The following CPXM2 variants were observed in gnomAD, a reference collection of about 807,000 sequenced individuals.
CPXM2 encodes carboxypeptidase X, M14 family member 2, also known as inactive carboxypeptidase-like protein X2.
CPXM2 carries 66 observed loss-of-function variants against 86.1 expected under a neutral mutation model. The observed-to-expected ratio is 0.77, with a 90% confidence interval of 0.63 to 0.94. The LOEUF is 0.94. CPXM2 is among the 40% of genes least tolerant of loss of function. The pLI is 0.00. For synonymous variants in CPXM2, 388 were observed against 400.2 expected, an observed-to-expected ratio of 0.97 and a Z score of 0.36; for missense variants, 948 against 1,026.3, an observed-to-expected ratio of 0.92 and a Z score of 1.04.
At chr10:123,892,498 G>A (rs1463878360), upstream of CPXM2, among the ~76,000 whole-genome samples, 2 of 152,208 alleles carry the variant, frequency 1.3e-5, no homozygotes, top group Non-Finnish European at 2.9e-5. Flanking sequence ...CTCTGCATGG[G>A]TTCTTTATGC....
At chr10:123,752,664 TC>T (rs35101799) in intron 13 of CPXM2, 35 of 976,942 alleles carry the variant, frequency 3.6e-5, no homozygotes, top group Non-Finnish European at 4.0e-5. Context: ...GAGCCTCTCC[TC>T]CCTGTTCAAG....
chr10:123,887,052 A>C (rs563455098), intron 1 of CPXM2: 1 of 152,330 alleles, frequency 6.6e-6, no homozygotes, highest in African/African-American at 2.4e-5. Context: ...GCAGGGATCT[A>C]GAAACTGTCA....
chr10:123,863,552 G>A (rs1343042936), intron 2 of CPXM2, among the ~76,000 whole-genome samples: 1 of 152,174 alleles, frequency 6.6e-6, no homozygotes, highest in Non-Finnish European at 1.5e-5. Flanking sequence ...ACATGAATCT[G>A]ACCCATGTGG....
At chr10:123,925,829 G>A (rs1056835637) in intron 2 of CPXM2, among the ~76,000 whole-genome samples, 4 of 152,134 alleles carry the variant, frequency 2.6e-5, no homozygotes, top group Non-Finnish European at 5.9e-5. Flanking sequence ...AGAAACAACA[G>A]AGCAATGAGC....
intron 2 of CPXM2, among the ~76,000 whole-genome samples, chr10:123,903,607 T>C (rs1251042685): frequency 6.6e-6 from 1 of 152,186 alleles, no homozygotes; most frequent in East Asian, 1.9e-4. Context: ...GGTGAAGTCC[T>C]CTCAGGGATA....
rs543229425 is a variant in CPXM2 at position 123,891,692 on chromosome 10, C to T, written c.-33G>A. On this transcript the variant is annotated 5_prime_UTR_variant, in exon 1 of 14. The change creates a new upstream start codon in the 5' untranslated region. Coordinates refer to ENST00000241305, the MANE Select transcript of CPXM2 (RefSeq NM_198148.3). This position sits in a 1 kb window ranked among gnomAD's most constrained non-coding sequence, Gnocchi z 5.6. ...CCGCCCCGCGCCCAGGGCAGGGTCA[C>T]GGTCACCGGGGGCGCCGGGCGGGCT... 3 of 1,321,602 alleles carry T rather than the reference C, an allele frequency of 2.3e-6. No homozygotes were observed. The highest frequency in any genetic ancestry group is 2.1e-5 in the South Asian group (1 of 46,750). 81.9% of individuals were successfully genotyped at this position (1,321,602 alleles called of 1,614,324 possible).
At chr10:123,761,234 G>A (rs2133986333) in intron 11 of CPXM2, among the ~76,000 whole-genome samples, 1 of 152,342 alleles carries the variant, frequency 6.6e-6, no homozygotes, top group Non-Finnish European at 1.5e-5. Context: ...GTTGACCGCA[G>A]GCTGTGGGTA....
intron 4 of CPXM2, among the ~76,000 whole-genome samples, chr10:123,832,425 G>A (rs1436621952): frequency 1.3e-5 from 2 of 152,096 alleles, no homozygotes; most frequent in Admixed American, 6.5e-5. Flanking sequence ...GGGAGGAGGG[G>A]GCAGAAAGGA....
chr10:123,761,502 G>T (rs1225819425), intron 11 of CPXM2, among the ~76,000 whole-genome samples: 1 of 152,168 alleles, frequency 6.6e-6, no homozygotes, highest in African/African-American at 2.4e-5. Flanking sequence ...GTTTCTTTTT[G>T]TTGTTGTCCA....
intron 4 of CPXM2, among the ~76,000 whole-genome samples, chr10:123,827,966 C>T (rs527826381): frequency 6.6e-6 from 1 of 152,218 alleles, no homozygotes; most frequent in African/African-American, 2.4e-5. Flanking sequence ...GAATTTGAGA[C>T]TAGCCAGGGT....
chr10:123,752,692 TAAAG>T (rs1846106645), intron 13 of CPXM2: 1 of 863,856 alleles, frequency 1.2e-6, no homozygotes, highest in Non-Finnish European at 1.4e-6. Context: ...GGCATGGAAA[TAAAG>T]GAAGGAGCAC....
chr10:123,943,224 C>T (rs570846835), upstream of CPXM2, among the ~76,000 whole-genome samples: 29 of 143,778 alleles, frequency 2.0e-4, no homozygotes, highest in South Asian at 5.0e-3. Flanking sequence ...CATACTATTG[C>T]TTTCCTCACT....
chr10:123,810,057 C>T (rs1052958057), intron 4 of CPXM2, among the ~76,000 whole-genome samples: 1 of 151,496 alleles, frequency 6.6e-6, no homozygotes, highest in African/African-American at 2.4e-5. Flanking sequence ...AAGAACTATC[C>T]ATAAAAGCAA....
chr10:123,822,943 T>C (rs1033761328), intron 4 of CPXM2, among the ~76,000 whole-genome samples: 5 of 152,124 alleles, frequency 3.3e-5, no homozygotes, highest in Non-Finnish European at 7.4e-5. Flanking sequence ...ATTGATTGCA[T>C]TGATGATTGC....
chr10:123,823,000 T>C (rs1847961708), intron 4 of CPXM2, among the ~76,000 whole-genome samples: 1 of 152,212 alleles, frequency 6.6e-6, no homozygotes. Flanking sequence ...ACACATTAAA[T>C]GGCTGAGCTA....
intron 2 of CPXM2, among the ~76,000 whole-genome samples, chr10:123,898,477 A>G (rs912192014): frequency 1.3e-5 from 2 of 152,090 alleles, no homozygotes; most frequent in East Asian, 1.9e-4. Context: ...AAAAATATAT[A>G]TATCTTTTTA....
At chr10:123,820,888 A>G (rs920941488) in intron 4 of CPXM2, among the ~76,000 whole-genome samples, 1 of 152,202 alleles carries the variant, frequency 6.6e-6, no homozygotes, top group African/African-American at 2.4e-5. Flanking sequence ...TCTTCTCTCC[A>G]TCAAGATCTT....
At chr10:123,848,908 G>T (rs965384881) in intron 3 of CPXM2, among the ~76,000 whole-genome samples, 3 of 152,150 alleles carry the variant, frequency 2.0e-5, no homozygotes, top group Non-Finnish European at 4.4e-5. Flanking sequence ...ACAGTTACAA[G>T]TATTTTGTAT....
Position 123,880,289 on chromosome 10 carries a change from CT to C in CPXM2, c.324del (p.Val109LeufsTer2). The C allele has an allele frequency of 4.4e-6, 7 of 1,573,700 alleles. No homozygotes were observed. The highest frequency in any genetic ancestry group is 6.1e-6 in the Non-Finnish European group (7 of 1,143,324). On this transcript the variant is annotated frameshift_variant, in exon 2 of 14. Coordinates refer to ENST00000241305, the MANE Select transcript of CPXM2 (RefSeq NM_198148.3). LOFTEE classifies it high-confidence loss of function. The stretch of plus-strand genomic sequence containing the variant: ...TTCTCAGAGCTCTTGGTTCTCATAA[CT>C]TTTTTGTTGCTGTGTTTACCTAAAG... ...PPPPGKHSNK[K>X]VMRTKSSEKA...
Sources: gnomAD v4.1 joint callset for allele counts (sites outside exome capture counted in the v4.1 genomes callset) on GRCh38, gnomAD v4.1.1 for gene constraint, Gnocchi (gnomAD v3.1) non-coding constraint, MANE v1.5 for transcripts, NCBI Gene and HGNC (gene_info 2026-07-23, HGNC 2026-07-21) for gene names.